NCOR2: variants seen among roughly 807,000 people sequenced by gnomAD.
NCOR2 encodes the protein nuclear receptor corepressor 2, also known as CTG repeat protein 26.
In NCOR2, 81 loss-of-function variants were observed where a neutral mutation model predicts 262.9. The observed-to-expected ratio is 0.31, with a 90% CI of 0.26 to 0.37. The LOEUF (loss-of-function observed/expected upper bound fraction) is 0.37. Ranked by LOEUF, NCOR2 falls within the 10% of genes least tolerant of loss-of-function variation. The pLI, the probability that NCOR2 is intolerant of heterozygous loss-of-function variation, is 1.00. For synonymous variants in NCOR2, 1,659 were observed against 1,559.3 expected (o/e 1.06, Z -1.51); for missense variants, 3,385 against 3,621.4 (o/e 0.93, Z 1.68).
intron 13 of NCOR2, among the ~76,000 whole-genome samples, chr12:124,407,385 G>C (rs1004497290): frequency 3.3e-5 from 5 of 152,262 alleles, no homozygotes. Flanking sequence ...CTGCGGCATG[G>C]CAATGGGAAA....
At chr12:124,429,575 G>A (rs767096994) in intron 10 of NCOR2, 38 bp downstream of exon 12, 2 of 1,558,704 alleles carry the variant, frequency 1.3e-6, no homozygotes, top group Non-Finnish European at 1.7e-6. Flanking sequence ...GGATGCCAGG[G>A]AAAAGGAGCT....
chr12:124,439,081 A>AG (rs1278492749), intron 7 of NCOR2, among the ~76,000 whole-genome samples: 34 of 142,580 alleles, frequency 2.4e-4, no homozygotes, highest in East Asian at 3.9e-4. Context: ...CCAGAGAGAG[A>AG]AACAGAGACC....
chr12:124,438,126 C>G (rs2044473032), intron 7 of NCOR2, 130 bp from the exon 10 acceptor site: 1 of 795,752 alleles, frequency 1.3e-6, no homozygotes, highest in South Asian at 1.6e-5. Flanking sequence ...TGAGACCCAC[C>G]CGTGCTGTAT....
chr12:124,332,007 C>T lies in NCOR2; in HGVS notation c.6904+312G>A, dbSNP rs1324696412. On this transcript the variant is annotated intron_variant, in intron 43 of 46. Coordinates refer to ENST00000405201, the Ensembl canonical transcript of NCOR2. ...CCACACAGGTGCTGAGTGTGGGAGGCGCCCGGCCCTTGTGTGGGAGGGATC... is the reference window on the plus strand; with the variant it reads ...CCACACAGGTGCTGAGTGTGGGAGGTGCCCGGCCCTTGTGTGGGAGGGATC... The T allele has an allele frequency of 3.1e-5, 11 of 357,498 alleles. No homozygotes were observed. In the East Asian group the frequency reaches 4.8e-4, roughly 16 times the overall value. 22.1% of individuals were successfully genotyped at this position (357,498 alleles called of 1,614,324 possible).
At chr12:124,346,823 T>C (rs2036969499) in exon 31 of NCOR2, 1 of 1,580,450 alleles carries the variant, frequency 6.3e-7, no homozygotes, top group Middle Eastern at 1.7e-4. Context: ...GTAGTCCTCC[T>C]GTGCCTCCAC....
chr12:124,378,438 G>A lies in NCOR2; in HGVS notation c.2020-54C>T. The A allele has an allele frequency of 6.5e-7, 1 of 1,542,678 alleles. No individual in the cohort carries two copies. The highest frequency in any genetic ancestry group is 2.3e-5 in the East Asian group (1 of 43,068). ...ACTGGGGCCTGGGCTGTCAGCTCGG[G>A]GACTCCCCATGCCTGGGGCCTCGCC... On this transcript the variant is annotated intron_variant, in intron 17 of 46. Transcript: ENST00000405201. This position sits in a 1 kb window ranked among gnomAD's most constrained non-coding sequence, Gnocchi z 4.2.
At chr12:124,557,285 T>TA (rs2051913447) in intron 1 of NCOR2, among the ~76,000 whole-genome samples, 1 of 152,224 alleles carries the variant, frequency 6.6e-6, no homozygotes, top group African/African-American at 2.4e-5. Flanking sequence ...AACCCACTGT[T>TA]ACTTTGTCAC....
At chr12:124,407,494 C>A (rs1020060663) in intron 13 of NCOR2, among the ~76,000 whole-genome samples, 1 of 152,084 alleles carries the variant, frequency 6.6e-6, no homozygotes, top group African/African-American at 2.4e-5. Context: ...ATTCTGAGGG[C>A]GGTGGGAGCC....
chr12:124,338,875 A>C (rs1334369318), intron 37 of NCOR2, among the ~76,000 whole-genome samples: 2 of 151,256 alleles, frequency 1.3e-5, no homozygotes, highest in Non-Finnish European at 2.9e-5. Flanking sequence ...CCAACCATCC[A>C]TTCCATCATC....
intron 13 of NCOR2, among the ~76,000 whole-genome samples, chr12:124,414,685 G>A (rs1029532393): frequency 6.6e-6 from 1 of 152,230 alleles, no homozygotes; most frequent in Non-Finnish European, 1.5e-5. Flanking sequence ...AGACGACATC[G>A]GGGAAGAGGC....
chr12:124,463,728 A>T (rs2136615895), intron 5 of NCOR2, among the ~76,000 whole-genome samples: 1 of 152,362 alleles, frequency 6.6e-6, no homozygotes, highest in South Asian at 2.1e-4. Context: ...AAGGGGCGGT[A>T]AGTCCTGGCT....
intron 1 of NCOR2, among the ~76,000 whole-genome samples, chr12:124,491,285 A>G (rs1749775370): frequency 6.6e-6 from 1 of 152,260 alleles, no homozygotes; most frequent in Non-Finnish European, 1.5e-5. Flanking sequence ...ATTATTGATT[A>G]TATCAAATGT....
chr12:124,537,952 G>C (rs1466738540), upstream of NCOR2: 1 of 152,312 alleles, frequency 6.6e-6, no homozygotes, highest in African/African-American at 2.4e-5. Flanking sequence ...GCTGGAAACA[G>C]GGAGGGCCCG....
intron 5 of NCOR2, among the ~76,000 whole-genome samples, chr12:124,465,562 A>G (rs1053965326): frequency 1.3e-5 from 2 of 152,114 alleles, no homozygotes; most frequent in African/African-American, 4.8e-5. Flanking sequence ...CTGTGTTTCA[A>G]TCATCTCAAA....
At chr12:124,405,855 G>A (rs1299285161) in intron 13 of NCOR2, among the ~76,000 whole-genome samples, 1 of 152,154 alleles carries the variant, frequency 6.6e-6, no homozygotes, top group Non-Finnish European at 1.5e-5. Context: ...TGGGTCTTGG[G>A]CCTGTCCATA....
At chr12:124,392,203 G>A (rs1249065298) in intron 16 of NCOR2, among the ~76,000 whole-genome samples, 2 of 152,194 alleles carry the variant, frequency 1.3e-5, no homozygotes, top group African/African-American at 4.8e-5. Context: ...GGAGGGAAGG[G>A]GGGCTTGTTG....
chr12:124,465,936 C>G (rs1195077994), intron 5 of NCOR2, among the ~76,000 whole-genome samples: 1 of 152,220 alleles, frequency 6.6e-6, no homozygotes, highest in African/African-American at 2.4e-5. Context: ...TCCTGCTGAC[C>G]AGCCACAGTC....
At chr12:124,515,526 T>C (rs530957855) in intron 1 of NCOR2, among the ~76,000 whole-genome samples, 8 of 152,340 alleles carry the variant, frequency 5.3e-5, no homozygotes, top group Non-Finnish European at 1.0e-4. Context: ...TAGCCAGCCG[T>C]ATGCAGATTG....
At chr12:124,334,250 C>A (rs976726307) in intron 41 of NCOR2, 174 bp downstream of exon 43, 3 of 527,950 alleles carry the variant, frequency 5.7e-6, no homozygotes, top group Admixed American at 4.0e-5. Context: ...AGCTATTATT[C>A]GTTATGTATC....
Sources: gnomAD v4.1 joint callset for allele counts (sites outside exome capture counted in the v4.1 genomes callset) on GRCh38, gnomAD v4.1.1 for gene constraint, Gnocchi (gnomAD v3.1) non-coding constraint, MANE v1.5 for transcripts, NCBI Gene and HGNC (gene_info 2026-07-23, HGNC 2026-07-21) for gene names.